The following CTBP2 variants were observed in gnomAD, a reference collection of about 807,000 sequenced individuals.
The protein encoded by CTBP2 is C-terminal-binding protein 2.
CTBP2 carries 30 observed loss-of-function variants against 80.3 expected under a neutral mutation model. The observed-to-expected ratio is 0.37, with a 90% CI of 0.28 to 0.51. The LOEUF is 0.51. Ranked by LOEUF, CTBP2 falls within the 20% of genes least tolerant of loss-of-function variation. The probability of loss-of-function intolerance (pLI) is 0.93; values close to 1 mark genes in which losing one functional copy is unlikely to be tolerated. For synonymous variants in CTBP2, 594 were observed against 587.4 expected, an observed-to-expected ratio of 1.01 and a Z score of -0.16; for missense variants, 1,212 against 1,375.3, an observed-to-expected ratio of 0.88 and a Z score of 1.88.
Position 124,997,943 on chromosome 10 carries a change from A to G in CTBP2, c.2185+21T>C, listed in dbSNP as rs770966258. ...CCCAGTGTCGGAGGGGTTGGGGGTC[A>G]GCGCAGAGGGTGGCACGTACCAAAG... On this transcript the variant is annotated intron_variant, in intron 4 of 8. Coordinates refer to ENST00000309035, the MANE Select transcript of CTBP2 (RefSeq NM_022802.3). 141 of 1,601,394 alleles carry G rather than the reference A, an allele frequency of 8.8e-5. 1 individual carries two copies. In the East Asian group the frequency reaches 2.9e-3, roughly 33 times the overall value.
intron 2 of CTBP2, among the ~76,000 whole-genome samples, chr10:125,060,909 G>A (rs369606624): frequency 1.3e-5 from 2 of 152,216 alleles, no homozygotes; most frequent in East Asian, 3.9e-4. Context: ...AGGGAGGAAA[G>A]AGCAACATGC....
At chr10:125,063,352 C>T (rs1844116558) in intron 2 of CTBP2, among the ~76,000 whole-genome samples, 1 of 152,156 alleles carries the variant, frequency 6.6e-6, no homozygotes, top group Non-Finnish European at 1.5e-5. Context: ...ACGTGTTTTA[C>T]CCCACACGTC....
At chr10:125,024,898 G>A (rs1054347169) in intron 1 of CTBP2, among the ~76,000 whole-genome samples, 2 of 152,124 alleles carry the variant, frequency 1.3e-5, no homozygotes, top group East Asian at 1.9e-4. Context: ...GAATCTATAC[G>A]ACAAAGCAGA....
intron 3 of CTBP2, among the ~76,000 whole-genome samples, chr10:125,037,975 G>C (rs1395382533): frequency 6.6e-6 from 1 of 152,124 alleles, no homozygotes; most frequent in Non-Finnish European, 1.5e-5. Context: ...CCTCTCTGTA[G>C]GTTTTTATAA....
At chr10:125,017,967 T>C (rs1425426665) in intron 1 of CTBP2, among the ~76,000 whole-genome samples, 1 of 152,208 alleles carries the variant, frequency 6.6e-6, no homozygotes, top group Admixed American at 6.5e-5. Flanking sequence ...GTCATGACTC[T>C]TGCTCCAGAG....
At chr10:125,003,585 G>T in intron 1 of CTBP2, 93 bp from the exon 4 acceptor site, 2 of 1,051,720 alleles carry the variant, frequency 1.9e-6, no homozygotes, top group Non-Finnish European at 2.7e-6. Context: ...TCAGGGCAGG[G>T]CTTGGGCAAG....
upstream of CTBP2, among the ~76,000 whole-genome samples, chr10:125,030,847 C>A (rs1334487277): frequency 6.6e-6 from 1 of 152,150 alleles, no homozygotes; most frequent in Non-Finnish European, 1.5e-5. Flanking sequence ...GAACAGCTTC[C>A]CCAGGGGGGT....
At chr10:125,088,048 C>T (rs73377256) in intron 2 of CTBP2, 27,581 of 152,264 alleles carry the variant, frequency 0.18, 2,778 homozygotes, top group African/African-American at 0.22. Flanking sequence ...AGCTCACATC[C>T]GGCCCTGGAA....
At chr10:125,128,524 T>G (rs903545782) in intron 1 of CTBP2, among the ~76,000 whole-genome samples, 1 of 152,156 alleles carries the variant, frequency 6.6e-6, no homozygotes, top group Non-Finnish European at 1.5e-5. Context: ...TTCCAGAGCA[T>G]GTGAACTCCA....
intron 1 of CTBP2, among the ~76,000 whole-genome samples, chr10:125,130,458 C>T (rs371214483): frequency 6.6e-5 from 10 of 152,258 alleles, no homozygotes; most frequent in Non-Finnish European, 1.3e-4. Flanking sequence ...CTTGGAAACA[C>T]GCTGCCAAAT....
intron 2 of CTBP2, among the ~76,000 whole-genome samples, chr10:125,101,938 G>A (rs1017186410): frequency 6.6e-6 from 1 of 152,132 alleles, no homozygotes; most frequent in South Asian, 2.1e-4. Context: ...TCAGTGCCTC[G>A]ATCGCTGAAA....
At chr10:125,158,408 T>C (rs1355212732) in intron 1 of CTBP2, among the ~76,000 whole-genome samples, 1 of 152,190 alleles carries the variant, frequency 6.6e-6, no homozygotes, top group Non-Finnish European at 1.5e-5. Flanking sequence ...CCCCAAAATA[T>C]AACGTCCCCT....
chr10:125,048,765 G>A (rs1355437729), intron 2 of CTBP2, among the ~76,000 whole-genome samples: 1 of 152,152 alleles, frequency 6.6e-6, no homozygotes, highest in East Asian at 1.9e-4. Context: ...GACGGTGCTG[G>A]GGAGGGGCCG....
At chr10:125,151,800 G>A (rs1859947421) in intron 1 of CTBP2, among the ~76,000 whole-genome samples, 1 of 152,182 alleles carries the variant, frequency 6.6e-6, no homozygotes, top group South Asian at 2.1e-4. Flanking sequence ...GGACCGGAGA[G>A]GGGCCGGCGA....
chr10:125,104,166 G>C, intron 2 of CTBP2, among the ~76,000 whole-genome samples: 1 of 152,184 alleles, frequency 6.6e-6, no homozygotes, highest in Admixed American at 6.5e-5. Flanking sequence ...GAGCTGACTG[G>C]ATGCTCACGG....
chr10:125,098,496 C>T (rs1849902242), intron 2 of CTBP2, among the ~76,000 whole-genome samples: 1 of 152,040 alleles, frequency 6.6e-6, no homozygotes, highest in Non-Finnish European at 1.5e-5. Flanking sequence ...CTTAGGAAGG[C>T]CAGGACCTGG....
At chr10:125,113,696 G>T (rs569387696) in intron 1 of CTBP2, among the ~76,000 whole-genome samples, 3 of 152,292 alleles carry the variant, frequency 2.0e-5, no homozygotes, top group Admixed American at 6.5e-5. Flanking sequence ...GACAAACGTA[G>T]CAACATGTTA....
intron 4 of CTBP2, among the ~76,000 whole-genome samples, chr10:124,995,316 T>TC (rs902049248): frequency 6.6e-6 from 1 of 152,140 alleles, no homozygotes; most frequent in Non-Finnish European, 1.5e-5. Context: ...AGCCTGGGCC[T>TC]CCCGCCAGCT....
intron 1 of CTBP2, among the ~76,000 whole-genome samples, chr10:125,010,634 C>T (rs540046015): frequency 6.6e-4 from 100 of 152,338 alleles, no homozygotes; most frequent in African/African-American, 2.3e-3. Flanking sequence ...TGGCATCACA[C>T]ACACCAAGCT....
Sources: allele counts gnomAD v4.1 joint callset (sites outside exome capture counted in the v4.1 genomes callset), GRCh38; gene constraint gnomAD v4.1.1; transcripts MANE v1.5; gene names NCBI Gene and HGNC (gene_info 2026-07-23, HGNC 2026-07-21).